Variants in CAPZB observed in about 807,000 individuals in gnomAD.
CAPZB encodes F-actin-capping protein subunit beta.
In CAPZB, 2 loss-of-function variants were observed where a neutral mutation model predicts 38.1. The ratio of observed to expected loss-of-function variants is 0.05; its 90% confidence interval spans 0.02 to 0.17. CAPZB has a LOEUF of 0.17. CAPZB is among the 10% of genes least tolerant of loss of function. CAPZB has a pLI of 1.00. For synonymous variants in CAPZB, 107 were observed against 127.4 expected, an observed-to-expected ratio of 0.84 and a Z score of 1.08; for missense variants, 161 against 334.2, an observed-to-expected ratio of 0.48 and a Z score of 4.04.
chr1:19,372,167 C>T (rs2094122726), intron 4 of CAPZB, among the ~76,000 whole-genome samples: 1 of 152,230 alleles, frequency 6.6e-6, no homozygotes, highest in African/African-American at 2.4e-5. Flanking sequence ...ACACAAAATA[C>T]CCTCCCACCC....
chr1:19,422,597 C>T (rs1012201698), intron 1 of CAPZB, among the ~76,000 whole-genome samples: 2 of 151,970 alleles, frequency 1.3e-5, no homozygotes, highest in African/African-American at 4.8e-5. Context: ...ATTAGCCGGG[C>T]GTGGTGGCGG....
At chr1:19,347,139 C>T (rs887557175) in intron 6 of CAPZB, among the ~76,000 whole-genome samples, 1 of 152,080 alleles carries the variant, frequency 6.6e-6, no homozygotes, top group Non-Finnish European at 1.5e-5. Flanking sequence ...CTGCACCTGG[C>T]CGACCCAACT....
chr1:19,447,689 G>A (rs2094501298), intron 1 of CAPZB, among the ~76,000 whole-genome samples: 1 of 152,164 alleles, frequency 6.6e-6, no homozygotes, highest in Non-Finnish European at 1.5e-5. Flanking sequence ...CCTAAGATCA[G>A]GGCCAGGGTG....
rs1356429552 is a variant in CAPZB at position 19,366,313 on chromosome 1, TAA to T, written c.330-8752_330-8751del. On this transcript the variant is annotated intron_variant, in intron 4 of 8. Coordinates refer to ENST00000264202, the MANE Select transcript of CAPZB (RefSeq NM_004930.5). ...ATATATATATATATATATATATAAA[TAA>T]AATAAATGGTCATGAGGGACACTTT... Among the ~76,000 whole-genome samples, 12 of 135,928 alleles carry T rather than the reference TAA, an allele frequency of 8.8e-5. No individual in the cohort carries two copies. The South Asian group carries it at 2.3e-3, about 26-fold the overall frequency. The allele number at this position is 135,928 out of a possible 152,430, so 89.2% of individuals were successfully genotyped here.
intron 1 of CAPZB, among the ~76,000 whole-genome samples, chr1:19,466,900 A>G (rs1558288230): frequency 1.3e-5 from 2 of 152,024 alleles, no homozygotes; most frequent in African/African-American, 2.4e-5. Flanking sequence ...CTCAGGCCAA[A>G]GTTTTTTGTT....
chr1:19,360,382 C>T (rs758231585), intron 4 of CAPZB, among the ~76,000 whole-genome samples: 1 of 152,320 alleles, frequency 6.6e-6, no homozygotes, highest in Non-Finnish European at 1.5e-5. Context: ...GCCAATAATC[C>T]GTTCTTTCCT....
At chr1:19,348,727 G>A (rs1012662878) in intron 6 of CAPZB, among the ~76,000 whole-genome samples, 4 of 139,630 alleles carry the variant, frequency 2.9e-5, no homozygotes, top group Non-Finnish European at 6.2e-5. Flanking sequence ...CTGGGAGACC[G>A]ACGGGTCTGA....
intron 1 of CAPZB, among the ~76,000 whole-genome samples, chr1:19,425,426 G>A (rs114927623): frequency 1.4e-3 from 214 of 152,168 alleles, no homozygotes; most frequent in South Asian, 5.0e-3. Flanking sequence ...GGAGCTTATG[G>A]TGCAGTCAAA....
intron 2 of CAPZB, among the ~76,000 whole-genome samples, chr1:19,413,980 T>C (rs1198607242): frequency 6.6e-6 from 1 of 152,234 alleles, no homozygotes; most frequent in Non-Finnish European, 1.5e-5. Context: ...TCAGATATTC[T>C]GCTAATCAAT....
Position 19,471,589 on chromosome 1 carries a change from G to A in CAPZB, c.3+13847C>T, listed in dbSNP as rs921289160. Among the ~76,000 whole-genome samples the A allele has an allele frequency of 2.4e-5, 3 of 125,772 alleles. No individual in the cohort carries two copies. In the South Asian group the frequency reaches 7.7e-4, roughly 32 times the overall value. 82.5% of individuals were successfully genotyped at this position (125,772 alleles called of 152,430 possible). ...CGTCGAGAAATGCTTCCTCGGCTGG[G>A]CGCTGTGGCTCACACCTGTAATCCC... On this transcript the variant is annotated intron_variant, in intron 1 of 8. Coordinates refer to ENST00000264202, the MANE Select transcript of CAPZB (RefSeq NM_004930.5).
chr1:19,364,746 C>T (rs1490242132), intron 4 of CAPZB, among the ~76,000 whole-genome samples: 1 of 152,234 alleles, frequency 6.6e-6, no homozygotes, highest in East Asian at 1.9e-4. Flanking sequence ...ACTCCTCCCT[C>T]CAGCACTCAA....
intron 8 of CAPZB, among the ~76,000 whole-genome samples, chr1:19,341,653 C>T (rs1391713438): frequency 1.3e-5 from 2 of 152,182 alleles, no homozygotes; most frequent in Non-Finnish European, 2.9e-5. Flanking sequence ...TACGCCAGGA[C>T]GCCCCCAGTG....
At chr1:19,418,501 C>T (rs1233319662) in intron 2 of CAPZB, among the ~76,000 whole-genome samples, 1 of 152,194 alleles carries the variant, frequency 6.6e-6, no homozygotes, top group Non-Finnish European at 1.5e-5. Context: ...GCTTACATCA[C>T]AAGCATGTGC....
intron 4 of CAPZB, among the ~76,000 whole-genome samples, chr1:19,366,289 T>TATATATATATATAC (rs1413762853): frequency 1.7e-5 from 1 of 60,596 alleles, no homozygotes; most frequent in African/African-American, 5.5e-5. Flanking sequence ...TTAAAATATA[T>TATATATATATATAC]ATATATATAT....
chr1:19,407,874 C>T (rs4244001), intron 2 of CAPZB, among the ~76,000 whole-genome samples: 34,661 of 152,034 alleles, frequency 0.23, 4,319 homozygotes, highest in East Asian at 0.46. Flanking sequence ...CTCACCAGGG[C>T]GGACTGTGCA....
chr1:19,427,075 G>A (rs544235373), intron 1 of CAPZB, among the ~76,000 whole-genome samples: 21 of 152,206 alleles, frequency 1.4e-4, no homozygotes, highest in Non-Finnish European at 2.4e-4. Context: ...AGATGACTAC[G>A]TTTCCTAGCT....
intron 4 of CAPZB, among the ~76,000 whole-genome samples, chr1:19,359,675 C>T (rs61766689): frequency 0.077 from 11,652 of 152,258 alleles, 787 homozygotes; most frequent in African/African-American, 0.18. Context: ...TGTCAGGTGT[C>T]AGATGCTGAG....
chr1:19,449,079 T>C, intron 1 of CAPZB: 1 of 1,441,788 alleles, frequency 6.9e-7, no homozygotes, highest in Non-Finnish European at 9.1e-7. Context: ...GCTGGCCAGA[T>C]GGTTTTCATT....
intron 1 of CAPZB, among the ~76,000 whole-genome samples, chr1:19,432,449 A>T (rs931506347): frequency 6.6e-6 from 1 of 152,226 alleles, no homozygotes; most frequent in East Asian, 1.9e-4. Context: ...CTCAAAAAAA[A>T]TTTGAAAAAA....
Sources: allele counts gnomAD v4.1 joint callset (sites outside exome capture counted in the v4.1 genomes callset), GRCh38; gene constraint gnomAD v4.1.1; transcripts MANE v1.5; gene names NCBI Gene and HGNC (gene_info 2026-07-23, HGNC 2026-07-21).